Variants in NCR3LG1 observed in about 807,000 individuals in gnomAD.
NCR3LG1 encodes natural cytotoxicity triggering receptor 3 ligand 1.
A neutral mutation model predicts 34.8 loss-of-function variants in NCR3LG1; 35 were observed. The observed-to-expected ratio is 1.01, with a 90% CI of 0.77 to 1.33. NCR3LG1 has a LOEUF of 1.33. Among genes scored for constraint, NCR3LG1 ranks in the 40% most tolerant of loss-of-function variants. The pLI, the probability that NCR3LG1 is intolerant of heterozygous loss-of-function variation, is 0.00. For missense variants in NCR3LG1, 452 were observed against 423.3 expected (o/e 1.07, Z -0.60); for synonymous variants, 173 against 163.6 (o/e 1.06, Z -0.44).
rs1213445771 is a variant in NCR3LG1, at chr11:17,362,681, TTCC to T, written c.422-4326_422-4324del. 4.6e-3 allele frequency among the ~76,000 whole-genome samples: 103 copies of T among 22,594 alleles called. 22 individuals are homozygous for T. In the African/African-American group the frequency reaches 0.086, roughly 19 times the overall value. The allele number at this position is 22,594 out of a possible 152,430, so 14.8% of individuals were successfully genotyped here. On this transcript the variant is annotated intron_variant, in intron 2 of 4. Transcript: ENST00000338965. ...AGTTATTGACTCAGTGTCTCCTTCC[TTCC>T]TTCCTTCCTTTCTTTCTTTCTTTCT...
intron 2 of NCR3LG1, among the ~76,000 whole-genome samples, chr11:17,359,960 G>A (rs1163675501): frequency 6.6e-6 from 1 of 152,116 alleles, no homozygotes; most frequent in Non-Finnish European, 1.5e-5. Context: ...TGGTTGTCCA[G>A]GCTGGAGTGC....
intron 2 of NCR3LG1, among the ~76,000 whole-genome samples, chr11:17,358,403 G>T (rs1403423084): frequency 6.6e-6 from 1 of 152,178 alleles, no homozygotes; most frequent in Non-Finnish European, 1.5e-5. Context: ...ACTAAGTTAG[G>T]ATTTGTCTGC....
Position 17,372,385 on chromosome 11 carries a change from A to G in NCR3LG1, c.1238A>G (p.His413Arg). 1 of 703,050 alleles carries G rather than the reference A, an allele frequency of 1.4e-6. No homozygotes were observed. Among genetic ancestry groups the G allele is most frequent in the Non-Finnish European group, 2.6e-6 (1 of 385,028 alleles). The allele number at this position is 703,050 out of a possible 1,614,324, so 43.6% of individuals were successfully genotyped here. A position where few individuals can be genotyped will look rare whatever the true frequency, so the allele number is the denominator to read the frequency against. ...TCTGAGAAACAAACCCCTAGGGAAC[A>G]CTCGGATGCAGTTCCGGATGCCCCA... ...TKSEKQTPRE[H>R]SDAVPDAPIL... The change falls in exon 5 of 5, where the codon CAC becomes CGC. Residue 413 changes from histidine to arginine, a missense_variant. Transcript: ENST00000338965.
chr11:17,366,665 G>C (rs921152253), intron 2 of NCR3LG1, among the ~76,000 whole-genome samples: 1 of 152,186 alleles, frequency 6.6e-6, no homozygotes, highest in African/African-American at 2.4e-5. Context: ...TCAGTACCCG[G>C]TTGGCACTGG....
At chr11:17,352,133 C>A in intron 1 of NCR3LG1, 94 bp downstream of exon 1, 3 of 669,670 alleles carry the variant, frequency 4.5e-6, no homozygotes, top group Non-Finnish European at 7.1e-6. Flanking sequence ...GGGACCTCAA[C>A]TTCCTGGGGG....
rs750793679 is a variant in NCR3LG1 at position 17,368,964 on chromosome 11, G to A, written c.858G>A (p.Lys286=). The change falls in exon 4 of 5, where the codon AAG becomes AAA. Residue 286 remains lysine (K), a splice_region_variant and synonymous_variant. Coordinates refer to ENST00000338965, the MANE Select transcript of NCR3LG1 (RefSeq NM_001202439.3). ...TAATTGTTTTGATTCCTTGGAAAAA[G>A]GTAAGGGGCTCCAAAGCAAAGTTCA... ...VLLIVLIPWK[K]ICNKSSSAYT... 58 of 1,526,052 alleles carry A rather than the reference G, an allele frequency of 3.8e-5. No homozygotes were observed. In the South Asian group the frequency reaches 6.0e-4, roughly 16 times the overall value. 94.5% of individuals were successfully genotyped at this position (1,526,052 alleles called of 1,614,324 possible). A position where few individuals can be genotyped will look rare whatever the true frequency, so the allele number is the denominator to read the frequency against.
At chr11:17,355,450 T>A (rs1953193992) in intron 1 of NCR3LG1, among the ~76,000 whole-genome samples, 2 of 151,542 alleles carry the variant, frequency 1.3e-5, no homozygotes, top group Admixed American at 1.3e-4. Context: ...CTCTTTACAA[T>A]AGCATCAAAA....
intron 2 of NCR3LG1, among the ~76,000 whole-genome samples, chr11:17,359,418 C>A (rs1437014099): frequency 5.9e-5 from 9 of 152,104 alleles, no homozygotes; most frequent in Admixed American, 5.2e-4. Flanking sequence ...ACCCACCATC[C>A]TCTGTTTATT....
In NCR3LG1 at chr11:17,375,398, T is replaced by A. The variant is rs2133369517; in HGVS notation, c.*2886T>A. ...TTTGTAGGACAGGGAGTCTGAAAAG[T>A]GGGATATGCAGTAGTCACCCTAAAT... On this transcript the variant is annotated 3_prime_UTR_variant, in exon 5 of 5. Transcript: ENST00000338965. 6.6e-6 allele frequency: 1 copy of A among 152,256 alleles called. No individual in the cohort carries two copies. The highest frequency in any genetic ancestry group is 1.9e-4 in the East Asian group (1 of 5,182). 9.4% of individuals were successfully genotyped at this position (152,256 alleles called of 1,614,324 possible).
chr11:17,359,689 T>G (rs569668874), intron 2 of NCR3LG1, among the ~76,000 whole-genome samples: 38 of 152,026 alleles, frequency 2.5e-4, no homozygotes, highest in African/African-American at 8.2e-4. Context: ...TTTTTGTATT[T>G]TTAGTAGAGA....
At chr11:17,358,452 G>T (rs1197016638) in intron 2 of NCR3LG1, among the ~76,000 whole-genome samples, 2 of 152,082 alleles carry the variant, frequency 1.3e-5, no homozygotes, top group Non-Finnish European at 2.9e-5. Flanking sequence ...ATGGGTTTTT[G>T]GAGGAACATC....
chr11:17,355,042 G>C (rs1043823539), intron 1 of NCR3LG1, among the ~76,000 whole-genome samples: 1 of 152,152 alleles, frequency 6.6e-6, no homozygotes, highest in African/African-American at 2.4e-5. Context: ...ATTTTGAACT[G>C]TCCTTGCACT....
Position 17,367,332 on chromosome 11 carries a change from C to T in NCR3LG1, c.745C>T (p.Arg249Trp), listed in dbSNP as rs201316118. 1.8e-5 allele frequency: 28 copies of T among 1,533,448 alleles called. No individual in the cohort carries two copies. Among genetic ancestry groups the T allele is most frequent in the Middle Eastern group, 1.7e-4 (1 of 5,996 alleles). The allele number at this position is 1,533,448 out of a possible 1,614,324, so 95.0% of individuals were successfully genotyped here. Residue 249 changes from arginine (R) to tryptophan (W), a missense_variant, in exon 3 of 5, where the codon CGG becomes TGG. Coordinates refer to ENST00000338965, the MANE Select transcript of NCR3LG1 (RefSeq NM_001202439.3). ...GAGCAACTTTACCCTGACTGCTGCTCGGCACAGTCTTTCTGGTAAGGGTCT... is the reference window on the plus strand; with the variant it reads ...GAGCAACTTTACCCTGACTGCTGCTTGGCACAGTCTTTCTGGTAAGGGTCT... ...LRSNFTLTAA[R>W]HSLSETEKTD...
chr11:17,361,893 C>T (rs577090794), intron 2 of NCR3LG1, among the ~76,000 whole-genome samples: 3 of 152,264 alleles, frequency 2.0e-5, no homozygotes, highest in East Asian at 1.9e-4. Context: ...GATCCCCCTG[C>T]CTTGGCCTCC....
chr11:17,355,896 C>A (rs1483156029), intron 1 of NCR3LG1, among the ~76,000 whole-genome samples: 1 of 152,138 alleles, frequency 6.6e-6, no homozygotes, highest in Non-Finnish European at 1.5e-5. Context: ...CTTCTGGGCA[C>A]AAGGGATCCT....
downstream of NCR3LG1, chr11:17,380,677 A>T (rs953488323): frequency 1.3e-5 from 2 of 151,994 alleles, no homozygotes; most frequent in South Asian, 2.1e-4. Flanking sequence ...TGTTGTTGCG[A>T]TAAGGTCTCG....
intron 2 of NCR3LG1, among the ~76,000 whole-genome samples, chr11:17,359,480 T>C (rs1327492646): frequency 6.6e-6 from 1 of 151,332 alleles, no homozygotes; most frequent in Non-Finnish European, 1.5e-5. Flanking sequence ...TCTACTAGAG[T>C]ACAGTGCTTT....
At chr11:17,360,394 A>G (rs1247453963) in intron 2 of NCR3LG1, among the ~76,000 whole-genome samples, 1 of 152,202 alleles carries the variant, frequency 6.6e-6, no homozygotes, top group Non-Finnish European at 1.5e-5. Context: ...TTAATTTTAA[A>G]AAGTCGAACT....
rs538727452 is a variant in NCR3LG1 at position 17,360,600 on chromosome 11, A to AT, written c.421+3613dup. Among the ~76,000 whole-genome samples, 846 of 139,796 alleles carry AT rather than the reference A, an allele frequency of 6.1e-3. 3 individuals are homozygous for AT. The highest frequency in any genetic ancestry group is 0.012 in the African/African-American group (458 of 37,924). 91.7% of individuals were successfully genotyped at this position (139,796 alleles called of 152,430 possible). On this transcript the variant is annotated intron_variant, in intron 2 of 4. Coordinates refer to ENST00000338965, the MANE Select transcript of NCR3LG1 (RefSeq NM_001202439.3). ...AGGTTTGTGTCTATATTCTATATGT[A>AT]TTTTTTTTTTTTTTGCATATGAACA... is the stretch of plus-strand genomic sequence containing the variant.
Sources: gnomAD v4.1 joint callset for allele counts (sites outside exome capture counted in the v4.1 genomes callset) on GRCh38, gnomAD v4.1.1 for gene constraint, MANE v1.5 for transcripts, NCBI Gene and HGNC (gene_info 2026-07-23, HGNC 2026-07-21) for gene names.